The following EIPR1 variants were observed in gnomAD, a reference collection of about 807,000 sequenced individuals.
The protein encoded by EIPR1 is EARP and GARP complex-interacting protein 1.
A neutral mutation model predicts 48.1 loss-of-function variants in EIPR1; 25 were observed. That is an observed-to-expected ratio of 0.52 (90% CI 0.38 to 0.73). The LOEUF is 0.73. EIPR1 is among the 30% of genes least tolerant of loss of function. EIPR1 has a pLI of 0.00. For synonymous variants in EIPR1, 204 were observed against 201.9 expected (o/e 1.01, Z -0.09); for missense variants, 415 against 506.2 (o/e 0.82, Z 1.73).
intron 4 of EIPR1, among the ~76,000 whole-genome samples, chr2:3,219,884 C>A (rs1665819005): frequency 6.6e-6 from 1 of 152,198 alleles, no homozygotes; most frequent in East Asian, 1.9e-4. Context: ...TCCCAACCCC[C>A]AGACTGTGGA....
At chr2:3,288,173 C>T (rs894295272) in intron 3 of EIPR1, among the ~76,000 whole-genome samples, 12 of 152,228 alleles carry the variant, frequency 7.9e-5, no homozygotes, top group African/African-American at 2.9e-4. Flanking sequence ...GGGGCCTTGG[C>T]ACATGCTTGT....
intron 1 of EIPR1, among the ~76,000 whole-genome samples, chr2:3,367,105 A>AT (rs1024908146): frequency 5.4e-5 from 6 of 111,396 alleles, no homozygotes; most frequent in African/African-American, 1.7e-4. Flanking sequence ...AACTGATGAA[A>AT]TTAAAAAAAA....
chr2:3,365,079 T>A (rs1670940426), intron 1 of EIPR1, among the ~76,000 whole-genome samples: 1 of 152,114 alleles, frequency 6.6e-6, no homozygotes, highest in Admixed American at 6.6e-5. Context: ...TGTATTAACT[T>A]ATCATATATA....
chr2:3,321,919 C>T (rs1572441032), intron 3 of EIPR1, among the ~76,000 whole-genome samples: 2 of 152,234 alleles, frequency 1.3e-5, no homozygotes, highest in Admixed American at 6.5e-5. Flanking sequence ...ACAAAGGCCA[C>T]GCTGCCCACA....
intron 3 of EIPR1, among the ~76,000 whole-genome samples, chr2:3,326,184 T>C (rs1403571195): frequency 2.0e-5 from 3 of 152,216 alleles, no homozygotes; most frequent in Non-Finnish European, 4.4e-5. Flanking sequence ...TGGAGTCCCG[T>C]CCTTGCAGGG....
intron 2 of EIPR1, 134 bp from the exon 3 acceptor site, chr2:3,338,283 C>A: frequency 9.8e-7 from 1 of 1,020,926 alleles, no homozygotes; most frequent in South Asian, 1.7e-5. Flanking sequence ...GTTATTATGC[C>A]AACAGTATGT....
chr2:3,263,953 A>C (rs1256270907), intron 3 of EIPR1, among the ~76,000 whole-genome samples: 1 of 152,214 alleles, frequency 6.6e-6, no homozygotes, highest in Non-Finnish European at 1.5e-5. Context: ...TTACATACTT[A>C]TCATTTTTTG....
At chr2:3,277,563 G>A (rs1667890872) in intron 3 of EIPR1, among the ~76,000 whole-genome samples, 1 of 152,204 alleles carries the variant, frequency 6.6e-6, no homozygotes, top group Non-Finnish European at 1.5e-5. Flanking sequence ...CTTACCCGGT[G>A]AACAACCCCA....
At chr2:3,215,241 T>C (rs1023666530) in intron 4 of EIPR1, among the ~76,000 whole-genome samples, 6 of 152,194 alleles carry the variant, frequency 3.9e-5, no homozygotes, top group Non-Finnish European at 7.3e-5. Context: ...GAGAGTCTTA[T>C]GGAGGCAGAG....
chr2:3,313,580 TG>T (rs1377757985), intron 3 of EIPR1, among the ~76,000 whole-genome samples: 1 of 152,186 alleles, frequency 6.6e-6, no homozygotes, highest in Non-Finnish European at 1.5e-5. Flanking sequence ...CACAAATTGC[TG>T]AAGGCCTCAG....
intron 5 of EIPR1, among the ~76,000 whole-genome samples, chr2:3,205,827 A>G (rs896932): frequency 0.94 from 142,790 of 152,286 alleles, 67,030 homozygotes; most frequent in East Asian, 0.98. Flanking sequence ...CGCACGTGAC[A>G]ATATTAAAGG....
chr2:3,200,205 G>A (rs1664980441), intron 5 of EIPR1, among the ~76,000 whole-genome samples: 1 of 152,056 alleles, frequency 6.6e-6, no homozygotes, highest in Admixed American at 6.5e-5. Context: ...CCAGCCCCAA[G>A]CGGATGGCTG....
chr2:3,246,871 G>GGGAGGGAA (rs1666825437), intron 4 of EIPR1, among the ~76,000 whole-genome samples: 1 of 58,534 alleles, frequency 1.7e-5, no homozygotes, highest in African/African-American at 7.0e-5. Context: ...GAGGGAAGGA[G>GGGAGGGAA]GGAGGGAGGG....
chr2:3,283,658 G>A (rs763204900), intron 3 of EIPR1, among the ~76,000 whole-genome samples: 2 of 152,224 alleles, frequency 1.3e-5, no homozygotes, highest in African/African-American at 4.8e-5. Flanking sequence ...AAAGAAAAGG[G>A]AAAACTGCTG....
rs182591185 is a variant in EIPR1 at position 3,228,499 on chromosome 2, C to T, written c.417-14251G>A. Among the ~76,000 whole-genome samples, 392 of 152,294 alleles carry T rather than the reference C, an allele frequency of 2.6e-3. 2 individuals are homozygous for T. Among genetic ancestry groups the T allele is most frequent in the African/African-American group, 9.0e-3 (376 of 41,552 alleles). On this transcript the variant is annotated intron_variant, in intron 4 of 8. Transcript: ENST00000382125. Reference sequence around the variant, plus strand: ...GCCTTGTCTCAGATGAAACTTTGGACTTGGACTTTTGGGTTAATGCTGGAA... The same window carrying T: ...GCCTTGTCTCAGATGAAACTTTGGATTTGGACTTTTGGGTTAATGCTGGAA...
intron 3 of EIPR1, among the ~76,000 whole-genome samples, chr2:3,259,544 T>A (rs1037735690): frequency 1.3e-5 from 2 of 152,166 alleles, no homozygotes; most frequent in African/African-American, 4.8e-5. Flanking sequence ...TGTAGCGCTA[T>A]TCACCTCTCT....
chr2:3,192,135 G>C (rs1220372162), intron 8 of EIPR1, among the ~76,000 whole-genome samples: 1 of 152,222 alleles, frequency 6.6e-6, no homozygotes, highest in Non-Finnish European at 1.5e-5. Flanking sequence ...AGACCAGTGA[G>C]TCTTTTAAAT....
intron 4 of EIPR1, among the ~76,000 whole-genome samples, chr2:3,255,935 C>A (rs770185542): frequency 9.9e-5 from 15 of 152,178 alleles, no homozygotes; most frequent in Non-Finnish European, 2.1e-4. Context: ...AAATGTGGAA[C>A]TCCTAACAGT....
intron 3 of EIPR1, among the ~76,000 whole-genome samples, chr2:3,290,238 C>G (rs1473221307): frequency 2.6e-5 from 4 of 152,220 alleles, no homozygotes; most frequent in African/African-American, 4.8e-5. Context: ...GCCTAGAATG[C>G]TGCCGGGAGC....
Sources: gnomAD v4.1 joint callset for allele counts (sites outside exome capture counted in the v4.1 genomes callset) on GRCh38, gnomAD v4.1.1 for gene constraint, MANE v1.5 for transcripts, NCBI Gene and HGNC (gene_info 2026-07-23, HGNC 2026-07-21) for gene names.